Variants in GALNTL6 observed in about 807,000 individuals in gnomAD.
GALNTL6 encodes polypeptide N-acetylgalactosaminyltransferase like 6.
GALNTL6 carries 46 observed loss-of-function variants against 73.7 expected under a neutral mutation model. The ratio of observed to expected loss-of-function variants is 0.62; its 90% CI spans 0.49 to 0.80. The LOEUF is 0.80. GALNTL6 is among the 30% of genes least tolerant of loss of function. The pLI is 0.00. For synonymous variants in GALNTL6, 259 were observed against 263.7 expected, an observed-to-expected ratio of 0.98 and a Z score of 0.17; for missense variants, 604 against 755.0, an observed-to-expected ratio of 0.80 and a Z score of 2.34.
chr4:172,631,148 A>G (rs1020965753), intron 5 of GALNTL6, among the ~76,000 whole-genome samples: 5 of 151,672 alleles, frequency 3.3e-5, no homozygotes, highest in Non-Finnish European at 7.4e-5. Context: ...AATATGTAGT[A>G]ATTTTTTTTT....
At chr4:171,971,004 G>T (rs72993053) in intron 2 of GALNTL6, among the ~76,000 whole-genome samples, 1 of 152,142 alleles carries the variant, frequency 6.6e-6, no homozygotes, top group African/African-American at 2.4e-5. Context: ...ATTAGTAGCA[G>T]GGTTGAACTG....
At chr4:172,079,823 GAACAC>G (rs1242920020) in intron 2 of GALNTL6, among the ~76,000 whole-genome samples, 1 of 151,636 alleles carries the variant, frequency 6.6e-6, no homozygotes, top group Non-Finnish European at 1.5e-5. Context: ...TGTCTATCAT[GAACAC>G]AACACTTTTT....
rs551394725 is a variant in GALNTL6, at chr4:172,763,207, C to A, written c.554-46154C>A. ...TATGCCATGAATTGAAAAAAAAAAA[C>A]AAAACTGGAGAATCACAGCAAATGC... On this transcript the variant is annotated intron_variant, in intron 5 of 12. Coordinates refer to ENST00000506823, the MANE Select transcript of GALNTL6 (RefSeq NM_001034845.3). Among the ~76,000 whole-genome samples, 186 of 147,198 alleles carry A rather than the reference C, an allele frequency of 1.3e-3. 3 individuals are homozygous for A. Among genetic ancestry groups the A allele is most frequent in the African/African-American group, 4.0e-3 (157 of 39,728 alleles).
In GALNTL6 at chr4:172,579,833, GGAGGGAAGGAA is replaced by G. The variant is rs1737105259; in HGVS notation, c.554-229526_554-229516del. On this transcript the variant is annotated intron_variant, in intron 5 of 12. Transcript: ENST00000506823. ...AGGAGGGAAGGAAGGAGGGAAGGAA[GGAGGGAAGGAA>G]GGAAAGAAAGAAGGGAGGGAGGGAG... 9.3e-5 allele frequency among the ~76,000 whole-genome samples: 14 copies of G among 149,994 alleles called. No homozygotes were observed. The South Asian group carries it at 3.0e-3, about 32-fold the overall frequency.
At chr4:172,460,878 A>G (rs1443496052) in intron 5 of GALNTL6, among the ~76,000 whole-genome samples, 1 of 152,236 alleles carries the variant, frequency 6.6e-6, no homozygotes, top group East Asian at 1.9e-4. Context: ...TATATACCCA[A>G]AGGATTATTA....
intron 10 of GALNTL6, among the ~76,000 whole-genome samples, chr4:172,978,374 C>T (rs1395351372): frequency 6.6e-6 from 1 of 152,154 alleles, no homozygotes; most frequent in Non-Finnish European, 1.5e-5. Flanking sequence ...TGAGGATGAG[C>T]TGCTTCCATC....
intron 2 of GALNTL6, among the ~76,000 whole-genome samples, chr4:172,051,162 A>G (rs1730847047): frequency 1.3e-5 from 2 of 152,102 alleles, no homozygotes; most frequent in Non-Finnish European, 1.5e-5. Flanking sequence ...AGCACCATGC[A>G]CTTAAATCCC....
At chr4:172,639,290 G>A (rs921306510) in intron 5 of GALNTL6, among the ~76,000 whole-genome samples, 1 of 152,018 alleles carries the variant, frequency 6.6e-6, no homozygotes, top group African/African-American at 2.4e-5. Context: ...CCTCCATTCC[G>A]TTGATCTTTC....
intron 5 of GALNTL6, among the ~76,000 whole-genome samples, chr4:172,628,941 C>G (rs1433494295): frequency 1.3e-5 from 2 of 152,068 alleles, no homozygotes; most frequent in African/African-American, 4.8e-5. Context: ...TCTGTTGTTA[C>G]TGAACTGGAG....
At chr4:172,874,867 G>A (rs1745112774) in intron 7 of GALNTL6, among the ~76,000 whole-genome samples, 1 of 152,174 alleles carries the variant, frequency 6.6e-6, no homozygotes, top group African/African-American at 2.4e-5. Flanking sequence ...TCGCAGTGTG[G>A]CTTTAGCACT....
chr4:172,719,266 C>G lies in GALNTL6; in HGVS notation c.554-90095C>G, dbSNP rs114457155. Among the ~76,000 whole-genome samples the G allele has an allele frequency of 6.2e-3, 941 of 152,252 alleles. 6 individuals are homozygous for G. Among genetic ancestry groups the G allele is most frequent in the African/African-American group, 0.022 (899 of 41,552 alleles). On this transcript the variant is annotated intron_variant, in intron 5 of 12. Transcript: ENST00000506823. ...AACAAGCATGAATTTTCAAAATGCA[C>G]ACATAGTAAAAAACATTTTAACTAA...
At chr4:173,000,191 G>GA (rs1173126040) in intron 10 of GALNTL6, among the ~76,000 whole-genome samples, 1 of 151,994 alleles carries the variant, frequency 6.6e-6, no homozygotes, top group African/African-American at 2.4e-5. Flanking sequence ...TAATTTTAAG[G>GA]AAAAAAACTG....
At chr4:172,093,324 T>C (rs1024212571) in intron 2 of GALNTL6, among the ~76,000 whole-genome samples, 6 of 152,214 alleles carry the variant, frequency 3.9e-5, no homozygotes, top group Non-Finnish European at 7.3e-5. Flanking sequence ...ATTTTATCTA[T>C]ACCATTGTAT....
At chr4:172,726,029 G>A (rs1735776437) in intron 5 of GALNTL6, among the ~76,000 whole-genome samples, 1 of 152,176 alleles carries the variant, frequency 6.6e-6, no homozygotes, top group East Asian at 1.9e-4. Flanking sequence ...GGCACTAGCT[G>A]CGGGGAGTCT....
intron 5 of GALNTL6, among the ~76,000 whole-genome samples, chr4:172,518,515 G>A (rs997485843): frequency 6.6e-5 from 10 of 151,882 alleles, no homozygotes; most frequent in African/African-American, 2.4e-4. Context: ...TAGGATTTAT[G>A]TGCCATTTCT....
intron 8 of GALNTL6, among the ~76,000 whole-genome samples, chr4:172,888,030 G>A (rs2111205142): frequency 6.6e-6 from 1 of 152,196 alleles, no homozygotes; most frequent in South Asian, 2.1e-4. Flanking sequence ...CCACATTTTA[G>A]CAGGGTTGTT....
At chr4:172,138,486 TATATATATATATATATATATATA>T (rs1733699287) in intron 2 of GALNTL6, among the ~76,000 whole-genome samples, 2 of 5,508 alleles carry the variant, frequency 3.6e-4, no homozygotes, top group Non-Finnish European at 1.4e-3. Context: ...CCTATATATA[TATATATATATATATATATATATA>T]TATATTTTTT....
At chr4:172,439,352 T>A (rs923461556) in intron 5 of GALNTL6, among the ~76,000 whole-genome samples, 6 of 152,038 alleles carry the variant, frequency 3.9e-5, no homozygotes, top group Non-Finnish European at 5.9e-5. Context: ...ATGTCTTATT[T>A]GAACTGTAAG....
intron 5 of GALNTL6, among the ~76,000 whole-genome samples, chr4:172,518,309 G>T (rs1734672173): frequency 6.6e-6 from 1 of 151,928 alleles, no homozygotes; most frequent in Non-Finnish European, 1.5e-5. Context: ...TGAAGGAAAA[G>T]ATTCTGGATA....
Sources: allele counts gnomAD v4.1 joint callset (sites outside exome capture counted in the v4.1 genomes callset), GRCh38; gene constraint gnomAD v4.1.1; transcripts MANE v1.5; gene names NCBI Gene and HGNC (gene_info 2026-07-23, HGNC 2026-07-21).